FBLN2: variants seen among roughly 807,000 people sequenced by gnomAD.
FBLN2 encodes fibulin 2, also known as fibulin-2.
Under a neutral mutation model 123.7 loss-of-function variants are expected in FBLN2, and 81 were observed. The observed-to-expected ratio is 0.65, with a 90% CI of 0.55 to 0.79. The LOEUF is 0.79. Ranked by LOEUF, FBLN2 falls within the 30% of genes least tolerant of loss-of-function variation. The probability of loss-of-function intolerance (pLI) is 0.00; values close to 1 mark genes in which losing one functional copy is unlikely to be tolerated. For synonymous variants in FBLN2, 699 were observed against 701.4 expected, an observed-to-expected ratio of 1.00 and a Z score of 0.05; for missense variants, 1,603 against 1,681.3, an observed-to-expected ratio of 0.95 and a Z score of 0.81.
At position 13,621,879 on chromosome 3, in the gene FBLN2, G is replaced by T. The variant is rs748072635; in HGVS notation, c.2260G>T (p.Asp754Tyr). 6.2e-7 allele frequency: 1 copy of T among 1,613,778 alleles called. No homozygotes were observed. Among genetic ancestry groups the T allele is most frequent in the African/African-American group, 1.3e-5 (1 of 75,032 alleles). The change falls in exon 9 of 18, where the codon GAT becomes TAT. Residue 754 changes from aspartate (D) to tyrosine (Y), a missense_variant. By Grantham distance (160) the Asp-to-Tyr change is radical (BLOSUM62 -3). Transcript: ENST00000404922. ...TGTCAACCACACAGTGCTCTGTGCC[G>T]ATGGCTATATCCTCAATGCGCACAG... is the stretch of plus-strand genomic sequence containing the variant. ...YCVNHTVLCA[D>Y]GYILNAHRKC...
intron 8 of FBLN2, among the ~76,000 whole-genome samples, chr3:13,621,210 G>A (rs1031274155): frequency 2.0e-5 from 3 of 152,248 alleles, no homozygotes; most frequent in African/African-American, 7.2e-5. Context: ...GCGGAGGAGC[G>A]CTGCTCAACT....
intron 10 of FBLN2, 85 bp from the exon 11 acceptor site, chr3:13,627,747 G>A: frequency 3.4e-6 from 5 of 1,464,212 alleles, no homozygotes; most frequent in Non-Finnish European, 4.5e-6. Context: ...TCATGGGTCT[G>A]AGGGCGGGGA....
intron 17 of FBLN2, 62 bp from the exon 18 acceptor site, chr3:13,637,500 T>C: frequency 7.0e-7 from 1 of 1,438,176 alleles, no homozygotes. Flanking sequence ...GCCATCTGTG[T>C]CCCCGTCTGG....
chr3:13,564,206 T>C (rs1407788473), intron 1 of FBLN2, among the ~76,000 whole-genome samples: 2 of 152,090 alleles, frequency 1.3e-5, no homozygotes, highest in Non-Finnish European at 2.9e-5. Context: ...TGCTTGGACT[T>C]GGGCCCGGGG....
intron 9 of FBLN2, among the ~76,000 whole-genome samples, chr3:13,623,220 G>A (rs199619450): frequency 6.6e-6 from 1 of 152,318 alleles, no homozygotes; most frequent in East Asian, 1.9e-4. Flanking sequence ...GGGTCCGTGT[G>A]TGTACGTCTG....
chr3:13,609,688 G>GGGGGGGGGGCCC, intron 4 of FBLN2, 46 bp downstream of exon 4: 3 of 512,594 alleles, frequency 5.9e-6, no homozygotes, highest in East Asian at 6.7e-5. Context: ...GTGGGGCGGG[G>GGGGGGGGGGCCC]CGGGAGGCTG....
At chr3:13,623,270 A>G (rs1020698973) in intron 9 of FBLN2, among the ~76,000 whole-genome samples, 4 of 152,182 alleles carry the variant, frequency 2.6e-5, no homozygotes, top group Admixed American at 2.0e-4. Flanking sequence ...CACCCCTCCC[A>G]TGATGCCCTG....
intron 7 of FBLN2, 49 bp downstream of exon 7, chr3:13,619,066 G>T (rs367771581): frequency 1.1e-5 from 16 of 1,445,082 alleles, no homozygotes; most frequent in Non-Finnish European, 1.4e-5. Flanking sequence ...GGTCCAGGGG[G>T]TGGGTCTGGG....
At chr3:13,588,549 C>T (rs776483124) in intron 2 of FBLN2, among the ~76,000 whole-genome samples, 3 of 152,200 alleles carry the variant, frequency 2.0e-5, no homozygotes, top group Non-Finnish European at 4.4e-5. Flanking sequence ...TGGCAGAGCA[C>T]GGCTGGTGGC....
At chr3:13,628,830 GTGT>G in intron 11 of FBLN2, 72 bp from the exon 12 acceptor site, 1 of 1,550,122 alleles carries the variant, frequency 6.5e-7, no homozygotes, top group Non-Finnish European at 8.7e-7. Flanking sequence ...CCCCCTCCCA[GTGT>G]GGCCCTGGGA....
At chr3:13,594,280 G>T (rs568154453) in intron 2 of FBLN2, among the ~76,000 whole-genome samples, 2 of 152,162 alleles carry the variant, frequency 1.3e-5, no homozygotes, top group Non-Finnish European at 2.9e-5. Flanking sequence ...CCACTTGCCC[G>T]GGCTTGATGG....
At chr3:13,558,902 A>G (rs1242899831) in intron 1 of FBLN2, among the ~76,000 whole-genome samples, 2 of 151,330 alleles carry the variant, frequency 1.3e-5, no homozygotes, top group Non-Finnish European at 2.9e-5. Context: ...TCAGGGTTCT[A>G]GGAGAGTTTC....
At chr3:13,592,317 C>T (rs760131345) in intron 2 of FBLN2, among the ~76,000 whole-genome samples, 3 of 152,036 alleles carry the variant, frequency 2.0e-5, no homozygotes, top group Non-Finnish European at 2.9e-5. Flanking sequence ...TGAGCCACCA[C>T]ACCCGGCCAA....
intron 2 of FBLN2, among the ~76,000 whole-genome samples, chr3:13,576,773 CTG>C (rs796934797): frequency 7.2e-5 from 11 of 151,790 alleles, no homozygotes; most frequent in African/African-American, 2.7e-4. Flanking sequence ...AGCGCTCCAA[CTG>C]TGTGCAGGCC....
intron 4 of FBLN2, 46 bp downstream of exon 4, chr3:13,609,688 G>GGGGGGGGGGGGGGGGC: frequency 5.9e-6 from 3 of 512,600 alleles, no homozygotes; most frequent in East Asian, 6.7e-5. Context: ...GTGGGGCGGG[G>GGGGGGGGGGGGGGGGC]CGGGAGGCTG....
chr3:13,617,572 C>A (rs978622695), intron 5 of FBLN2, among the ~76,000 whole-genome samples: 1 of 136,664 alleles, frequency 7.3e-6, no homozygotes, highest in Non-Finnish European at 1.6e-5. Context: ...AGTTACAACC[C>A]ATCCACCCAT....
rs1287851137 is a variant in FBLN2 at position 13,618,244 on chromosome 3, C to G, written c.1898C>G (p.Pro633Arg). 1.4e-5 allele frequency: 22 copies of G among 1,613,844 alleles called. No homozygotes were observed. The highest frequency in any genetic ancestry group is 1.9e-5 in the Non-Finnish European group (22 of 1,179,908). ...GGTTCTTACCACTGTGCCTGCTTTC[C>G]TGGCTTCTCACTGCAGGACGATGGC... The part of the protein sequence containing the change: ...TVGSYHCACF[P>R]GFSLQDDGRT... The change falls in exon 6 of 18, where the codon CCT becomes CGT. Residue 633 changes from proline to arginine, a missense_variant. By Grantham distance (103) the Pro-to-Arg change is moderately radical. Transcript: ENST00000404922.
At chr3:13,605,594 C>T (rs3852035) in intron 2 of FBLN2, among the ~76,000 whole-genome samples, 85,415 of 152,024 alleles carry the variant, frequency 0.56, 24,359 homozygotes, top group African/African-American at 0.65. Flanking sequence ...TTTCCTCATC[C>T]TCCCCCCCAG....
At chr3:13,623,968 G>A (rs1407669870) in intron 9 of FBLN2, among the ~76,000 whole-genome samples, 2 of 152,238 alleles carry the variant, frequency 1.3e-5, no homozygotes, top group African/African-American at 2.4e-5. Context: ...AGTATTGGGT[G>A]TGACCTGTGC....
Sources: allele counts gnomAD v4.1 joint callset (sites outside exome capture counted in the v4.1 genomes callset), GRCh38; gene constraint gnomAD v4.1.1; transcripts MANE v1.5; gene names NCBI Gene and HGNC (gene_info 2026-07-23, HGNC 2026-07-21).